Variants in OR3A2 observed in about 807,000 individuals in gnomAD.
OR3A2 encodes the protein olfactory receptor family 3 subfamily A member 2.
For missense variants in OR3A2, 318 were observed against 392.8 expected (o/e 0.81, Z 1.61); for synonymous variants, 126 against 159.3 (o/e 0.79, Z 1.57).
intron 2 of OR3A2, among the ~76,000 whole-genome samples, chr17:3,374,439 T>A (rs2049661856): frequency 6.6e-6 from 1 of 152,232 alleles, no homozygotes; most frequent in Admixed American, 6.5e-5. Context: ...CCAATTATTC[T>A]TATGTTTGGT....
intron 3 of OR3A2, among the ~76,000 whole-genome samples, chr17:3,334,445 G>A (rs907878549): frequency 1.3e-5 from 2 of 152,030 alleles, no homozygotes; most frequent in African/African-American, 4.8e-5. Flanking sequence ...ATGACCCCCA[G>A]TTCCATCATG....
At position 3,311,316 on chromosome 17, in the gene OR3A2, G is replaced by A. The variant is rs1172083444; in HGVS notation, c.-85+24717C>T. 3.7e-6 allele frequency: 2 copies of A among 534,728 alleles called. No individual in the cohort carries two copies. Among genetic ancestry groups the A allele is most frequent in the Admixed American group, 3.9e-5 (2 of 51,590 alleles). The allele number at this position is 534,728 out of a possible 1,614,324, so 33.1% of individuals were successfully genotyped here. A position where few individuals can be genotyped will look rare whatever the true frequency, so the allele number is the denominator to read the frequency against. On this transcript the variant is annotated intron_variant, in intron 3 of 4. Transcript: ENST00000573491. This position sits in a 1 kb window ranked among gnomAD's most constrained non-coding sequence, Gnocchi z 4.6. ...CACAGCTCTTCTTTCCCCACCTCCT[G>A]GCTGGGGTGGACTGTCACCTCTTAA...
chr17:3,339,918 G>A (rs571315086), intron 2 of OR3A2, among the ~76,000 whole-genome samples: 26 of 152,044 alleles, frequency 1.7e-4, no homozygotes, highest in Non-Finnish European at 2.1e-4. Flanking sequence ...TTTTTTGGTT[G>A]GTAGGCTATT....
At chr17:3,384,721 C>T (rs929519482) in intron 1 of OR3A2, among the ~76,000 whole-genome samples, 1 of 152,098 alleles carries the variant, frequency 6.6e-6, no homozygotes, top group Admixed American at 6.5e-5. Flanking sequence ...GCAAATTGTC[C>T]AAATCCAGAC....
In OR3A2 at chr17:3,315,051, T is replaced by C. The variant is rs1010991803; in HGVS notation, c.-85+20982A>G. 3.3e-5 allele frequency among the ~76,000 whole-genome samples: 5 copies of C among 152,216 alleles called. No individual in the cohort carries two copies. In the East Asian group the frequency reaches 5.8e-4, roughly 18 times the overall value. On this transcript the variant is annotated intron_variant, in intron 3 of 4. Coordinates refer to the OR3A2 transcript ENST00000573491. ...TTTATGGCTGCATAGTATTCCATAG[T>C]GTATATGTACCACATTTTCCTTATC...
At chr17:3,308,974 C>A (rs1307047912) in intron 3 of OR3A2, among the ~76,000 whole-genome samples, 3 of 152,074 alleles carry the variant, frequency 2.0e-5, no homozygotes, top group Non-Finnish European at 4.4e-5. Context: ...GGCGCTGTCT[C>A]AGCTCACTGC....
chr17:3,323,940 T>C (rs1398339784), intron 3 of OR3A2, among the ~76,000 whole-genome samples: 1 of 152,248 alleles, frequency 6.6e-6, no homozygotes, highest in East Asian at 1.9e-4. Context: ...CTGGATAATA[T>C]CCTGCACAGT....
intron 3 of OR3A2, among the ~76,000 whole-genome samples, chr17:3,330,667 A>G (rs2049223776): frequency 6.6e-6 from 1 of 151,978 alleles, no homozygotes; most frequent in African/African-American, 2.4e-5. Flanking sequence ...TCTTTATCCA[A>G]TTTGCCAGTC....
At chr17:3,284,148 ATG>A (rs2048793535) in intron 1 of OR3A2, among the ~76,000 whole-genome samples, 1 of 148,446 alleles carries the variant, frequency 6.7e-6, no homozygotes, top group South Asian at 2.2e-4. Context: ...CCTCACACTC[ATG>A]CTAACAGGCA....
At chr17:3,325,240 G>A (rs946806428) in intron 3 of OR3A2, among the ~76,000 whole-genome samples, 5 of 121,694 alleles carry the variant, frequency 4.1e-5, no homozygotes, top group African/African-American at 6.6e-5. Context: ...ACAGGGTCTC[G>A]CTCTGTCGCC....
intron 2 of OR3A2, among the ~76,000 whole-genome samples, chr17:3,357,358 G>T (rs1640992103): frequency 6.6e-6 from 1 of 151,588 alleles, no homozygotes; most frequent in Non-Finnish European, 1.5e-5. Flanking sequence ...TCAGTTTCCT[G>T]TAAAGGCAAA....
intron 2 of OR3A2, among the ~76,000 whole-genome samples, chr17:3,377,891 T>C (rs1195402610): frequency 6.6e-6 from 1 of 152,252 alleles, no homozygotes; most frequent in East Asian, 1.9e-4. Flanking sequence ...TATCAGTTTC[T>C]AAGAAAGTGA....
chr17:3,285,793 A>C (rs2048805203), upstream of OR3A2, among the ~76,000 whole-genome samples: 1 of 152,182 alleles, frequency 6.6e-6, no homozygotes, highest in Non-Finnish European at 1.5e-5. Flanking sequence ...CTCCCAAACA[A>C]CAACAACAAC....
chr17:3,330,182 T>A (rs1200177387), intron 3 of OR3A2, among the ~76,000 whole-genome samples: 1 of 151,266 alleles, frequency 6.6e-6, no homozygotes, highest in Non-Finnish European at 1.5e-5. Context: ...AAAAAATGTA[T>A]ATTCTGTTGA....
At chr17:3,325,568 TAC>T (rs1352485972) in intron 3 of OR3A2, among the ~76,000 whole-genome samples, 1 of 152,162 alleles carries the variant, frequency 6.6e-6, no homozygotes, top group African/African-American at 2.4e-5. Flanking sequence ...TAGATATATA[TAC>T]ACACACTTGT....
intron 2 of OR3A2, among the ~76,000 whole-genome samples, chr17:3,358,508 TG>T (rs1686703084): frequency 6.6e-6 from 1 of 151,944 alleles, no homozygotes; most frequent in South Asian, 2.1e-4. Context: ...AGACAGTTCT[TG>T]AATTCTGCCT....
At chr17:3,302,869 C>T (rs971190023) in intron 3 of OR3A2, among the ~76,000 whole-genome samples, 9 of 152,150 alleles carry the variant, frequency 5.9e-5, no homozygotes, top group Non-Finnish European at 8.8e-5. Context: ...GTACTCAGTT[C>T]GGGCTAAAAG....
At chr17:3,384,729 GA>G (rs1242610284) in intron 1 of OR3A2, among the ~76,000 whole-genome samples, 1 of 152,044 alleles carries the variant, frequency 6.6e-6, no homozygotes, top group Non-Finnish European at 1.5e-5. Context: ...TCCAAATCCA[GA>G]CCACCACCTG....
At chr17:3,282,500 C>T (rs2048783093) in intron 1 of OR3A2, among the ~76,000 whole-genome samples, 2 of 145,422 alleles carry the variant, frequency 1.4e-5, no homozygotes. Context: ...AAGGGGATGT[C>T]TCCAATGTGA....
Sources: allele counts gnomAD v4.1 joint callset (sites outside exome capture counted in the v4.1 genomes callset), GRCh38; gene constraint gnomAD v4.1.1; non-coding constraint Gnocchi (gnomAD v3.1); transcripts MANE v1.5; gene names NCBI Gene and HGNC (gene_info 2026-07-23, HGNC 2026-07-21).